Variants in NOX4 observed in about 807,000 individuals in gnomAD.
NOX4 encodes the protein kidney oxidase-1.
NOX4 carries 69 observed loss-of-function variants against 87.6 expected under a neutral mutation model. That is an observed-to-expected ratio of 0.79 (90% CI 0.65 to 0.96). NOX4 has a LOEUF of 0.96. NOX4 is among the 40% of genes least tolerant of loss of function. The pLI is 0.00. For missense variants in NOX4, 680 were observed against 681.5 expected, an observed-to-expected ratio of 1.00 and a Z score of 0.02; for synonymous variants, 275 against 238.2, an observed-to-expected ratio of 1.15 and a Z score of -1.42.
chr11:89,382,483 C>T (rs1286604853), intron 11 of NOX4, among the ~76,000 whole-genome samples: 1 of 152,102 alleles, frequency 6.6e-6, no homozygotes, highest in African/African-American at 2.4e-5. Context: ...TTCTTTTACA[C>T]ATTGGTCCCT....
At chr11:89,588,369 G>A in the NOX4 span, among the ~76,000 whole-genome samples, 2 of 152,080 alleles carry the variant, frequency 1.3e-5, no homozygotes, top group African/African-American at 2.4e-5. Context: ...AAAAACAGAA[G>A]CATCGAGAAA....
chr11:89,564,399 G>A, the NOX4 span, among the ~76,000 whole-genome samples: 3 of 152,126 alleles, frequency 2.0e-5, no homozygotes, highest in African/African-American at 4.8e-5. Context: ...TAAACACTCA[G>A]ATACTGTCTT....
chr11:89,516,893 A>C, the NOX4 span, among the ~76,000 whole-genome samples: 1 of 152,052 alleles, frequency 6.6e-6, no homozygotes, highest in Admixed American at 6.6e-5. Context: ...AGAAAGCCTT[A>C]AACATGCAAT....
At chr11:89,570,713 T>C in the NOX4 span, among the ~76,000 whole-genome samples, 1 of 152,070 alleles carries the variant, frequency 6.6e-6, no homozygotes, top group African/African-American at 2.4e-5. Flanking sequence ...TACCTGTAGT[T>C]GCAGAGAGGA....
intron 6 of NOX4, among the ~76,000 whole-genome samples, chr11:89,439,306 C>T (rs1944356746): frequency 6.6e-6 from 1 of 150,762 alleles, no homozygotes; most frequent in Non-Finnish European, 1.5e-5. Flanking sequence ...TTGTTCTCAC[C>T]CAATTCTTCA....
At chr11:89,501,757 G>T (rs559652368), upstream of NOX4, among the ~76,000 whole-genome samples, 98 of 152,124 alleles carry the variant, frequency 6.4e-4, no homozygotes, top group Non-Finnish European at 1.2e-3. Context: ...AGGGGGCAAT[G>T]GACGAAGAAA....
chr11:89,435,885 CCTT>C (rs1242858505), intron 6 of NOX4, among the ~76,000 whole-genome samples: 2 of 151,966 alleles, frequency 1.3e-5, no homozygotes, highest in Non-Finnish European at 2.9e-5. Context: ...ATTTGTTTTT[CCTT>C]CTTATTTCTC....
the NOX4 span, among the ~76,000 whole-genome samples, chr11:89,562,954 A>T: frequency 6.6e-6 from 1 of 152,138 alleles, no homozygotes; most frequent in Non-Finnish European, 1.5e-5. Context: ...GTGAGTTCTC[A>T]TGAGATCTGA....
chr11:89,394,574 A>G (rs1941346683), intron 11 of NOX4, among the ~76,000 whole-genome samples: 1 of 152,122 alleles, frequency 6.6e-6, no homozygotes, highest in Non-Finnish European at 1.5e-5. Flanking sequence ...ACATATGTAT[A>G]CATGTGCCAC....
the NOX4 span, among the ~76,000 whole-genome samples, chr11:89,524,641 C>T: frequency 6.6e-6 from 1 of 151,882 alleles, no homozygotes; most frequent in Admixed American, 6.6e-5. Flanking sequence ...AATGCAACCA[C>T]CATTACAAGG....
chr11:89,471,799 T>C (rs754236358), intron 2 of NOX4, among the ~76,000 whole-genome samples: 1 of 152,202 alleles, frequency 6.6e-6, no homozygotes, highest in Non-Finnish European at 1.5e-5. Context: ...TGGAGTGCAA[T>C]GGTGCAATCT....
intron 13 of NOX4, 25 bp from the exon 14 acceptor site, chr11:89,342,218 G>A (rs184152853): frequency 2.5e-5 from 39 of 1,581,982 alleles, no homozygotes; most frequent in East Asian, 2.0e-4. Context: ...GAAAAAGGTG[G>A]GAAAAAAATG....
chr11:89,469,395 T>C (rs2135438050), intron 2 of NOX4, among the ~76,000 whole-genome samples: 1 of 152,342 alleles, frequency 6.6e-6, no homozygotes, highest in East Asian at 1.9e-4. Context: ...TTTAAAATTC[T>C]GATTTGGCAT....
At chr11:89,426,435 C>A (rs1943415574) in intron 7 of NOX4, among the ~76,000 whole-genome samples, 1 of 151,898 alleles carries the variant, frequency 6.6e-6, no homozygotes, top group African/African-American at 2.4e-5. Flanking sequence ...ATCGCCTCAC[C>A]TGGGAAGCGC....
At chr11:89,522,535 A>G in the NOX4 span, among the ~76,000 whole-genome samples, 2 of 152,148 alleles carry the variant, frequency 1.3e-5, no homozygotes, top group East Asian at 3.9e-4. Context: ...CAACTATTGA[A>G]TACTACACAT....
At chr11:89,434,579 C>A (rs1030556395) in intron 6 of NOX4, among the ~76,000 whole-genome samples, 1 of 151,234 alleles carries the variant, frequency 6.6e-6, no homozygotes, top group Admixed American at 6.6e-5. Flanking sequence ...AGCATGCCTG[C>A]AAAGTAACCC....
the NOX4 span, among the ~76,000 whole-genome samples, chr11:89,512,070 A>G: frequency 6.6e-6 from 1 of 152,052 alleles, no homozygotes; most frequent in African/African-American, 2.4e-5. Flanking sequence ...AGCTTGCCTT[A>G]TATATTGCAT....
intron 2 of NOX4, among the ~76,000 whole-genome samples, chr11:89,456,129 G>C (rs1945187065): frequency 1.3e-5 from 2 of 152,004 alleles, no homozygotes; most frequent in Non-Finnish European, 2.9e-5. Context: ...AGATATCCCA[G>C]CTACTCTTAT....
At chr11:89,346,656 C>T (rs1241708600) in intron 13 of NOX4, among the ~76,000 whole-genome samples, 2 of 151,560 alleles carry the variant, frequency 1.3e-5, no homozygotes, top group Non-Finnish European at 2.9e-5. Context: ...TTTTAGCCAC[C>T]TAACCTCCAG....
Sources: allele counts gnomAD v4.1 joint callset (sites outside exome capture counted in the v4.1 genomes callset), GRCh38; gene constraint gnomAD v4.1.1; transcripts MANE v1.5; gene names NCBI Gene and HGNC (gene_info 2026-07-23, HGNC 2026-07-21).